The following EML1 variants were observed in gnomAD, a reference collection of about 807,000 sequenced individuals.
The protein encoded by EML1 is EMAP like 1.
EML1 carries 27 observed loss-of-function variants against 110.4 expected under a neutral mutation model. That is an observed-to-expected ratio of 0.24 (90% CI 0.18 to 0.34). The LOEUF is 0.34. Ranked by LOEUF, EML1 falls within the 10% of genes least tolerant of loss-of-function variation. EML1 has a pLI of 1.00. For synonymous variants in EML1, 344 were observed against 385.8 expected, an observed-to-expected ratio of 0.89 and a Z score of 1.27; for missense variants, 741 against 1,030.9, an observed-to-expected ratio of 0.72 and a Z score of 3.85.
chr14:99,904,210 T>A (rs1202719284), intron 9 of EML1, among the ~76,000 whole-genome samples: 1 of 152,252 alleles, frequency 6.6e-6, no homozygotes, highest in Non-Finnish European at 1.5e-5. Flanking sequence ...TTTATTCCAA[T>A]GTTTAATTTA....
chr14:99,790,866 C>CAGGGTCTTT (rs2057660805), upstream of EML1, among the ~76,000 whole-genome samples: 1 of 142,686 alleles, frequency 7.0e-6, no homozygotes, highest in African/African-American at 2.6e-5. Context: ...TTTTCTTTTC[C>CAGGGTCTTT]TTTTTTTTTG....
chr14:99,780,939 C>T (rs1015564420), intron 1 of EML1, among the ~76,000 whole-genome samples: 1 of 152,120 alleles, frequency 6.6e-6, no homozygotes, highest in African/African-American at 2.4e-5. Context: ...GTTCTTAGAA[C>T]GTATCCCATC....
chr14:99,770,398 T>TCTATTTATCTAC (rs1240800835), upstream of EML1, among the ~76,000 whole-genome samples: 2 of 151,904 alleles, frequency 1.3e-5, no homozygotes, highest in African/African-American at 4.8e-5. Context: ...TATCTATCTA[T>TCTATTTATCTAC]CTATCTATCT....
chr14:99,793,420 G>A lies in EML1; in HGVS notation c.-57G>A. The A allele has an allele frequency of 7.8e-6, 8 of 1,023,432 alleles. No individual in the cohort carries two copies. The highest frequency in any genetic ancestry group is 1.7e-5 in the African/African-American group (1 of 57,462). The allele number at this position is 1,023,432 out of a possible 1,614,324, so 63.4% of individuals were successfully genotyped here. On this transcript the variant is annotated 5_prime_UTR_variant, in exon 1 of 22. Transcript: ENST00000262233. ...CGCGGTCGGGCTCAGCTCAGTGTGT[G>A]GTGAGCGGCGGCGGCGCGGCCGGGC...
intron 1 of EML1, among the ~76,000 whole-genome samples, chr14:99,835,200 AC>A (rs928095745): frequency 2.5e-4 from 38 of 152,140 alleles, no homozygotes; most frequent in African/African-American, 8.9e-4. Context: ...GAGCTTTGTT[AC>A]TTTTTTTTCT....
At chr14:99,918,906 T>C (rs1209729021) in intron 16 of EML1, among the ~76,000 whole-genome samples, 1 of 152,214 alleles carries the variant, frequency 6.6e-6, no homozygotes, top group Non-Finnish European at 1.5e-5. Flanking sequence ...CATATTCCAA[T>C]TGAGTTAATA....
intron 1 of EML1, among the ~76,000 whole-genome samples, chr14:99,776,153 A>G (rs1389724032): frequency 2.0e-5 from 3 of 152,232 alleles, no homozygotes; most frequent in Admixed American, 6.5e-5. Flanking sequence ...GAGCCCTTAC[A>G]GATGAAGCTG....
At chr14:99,820,229 G>A (rs1473853817) in intron 1 of EML1, among the ~76,000 whole-genome samples, 2 of 152,200 alleles carry the variant, frequency 1.3e-5, no homozygotes, top group Non-Finnish European at 2.9e-5. Context: ...GGGAGCAGGG[G>A]CTAACACAGT....
intron 4 of EML1, among the ~76,000 whole-genome samples, chr14:99,882,043 G>A (rs2059394229): frequency 6.6e-6 from 1 of 152,096 alleles, no homozygotes; most frequent in Admixed American, 6.5e-5. Flanking sequence ...TTTGTAACAA[G>A]CCACAAAATT....
chr14:99,828,400 G>A (rs1351564864), intron 1 of EML1, among the ~76,000 whole-genome samples: 2 of 152,122 alleles, frequency 1.3e-5, no homozygotes, highest in East Asian at 1.9e-4. Context: ...AGGAGTCTCC[G>A]TTATCAAATG....
chr14:99,876,504 T>C (rs28549972), intron 3 of EML1, among the ~76,000 whole-genome samples: 2,277 of 152,238 alleles, frequency 0.015, 63 homozygotes, highest in African/African-American at 0.051. Context: ...CTGACTCCTG[T>C]GGTAGCTTCT....
At chr14:99,771,246 T>C (rs1341849275), upstream of EML1, among the ~76,000 whole-genome samples, 1 of 152,174 alleles carries the variant, frequency 6.6e-6, no homozygotes, top group Non-Finnish European at 1.5e-5. Context: ...CATCTTCCCT[T>C]CCCCTCAGTC....
At chr14:99,811,986 G>C (rs1030665105) in intron 1 of EML1, among the ~76,000 whole-genome samples, 3 of 151,904 alleles carry the variant, frequency 2.0e-5, no homozygotes, top group Admixed American at 1.3e-4. Flanking sequence ...TGCTGTCTCA[G>C]AGGTGGCACA....
At chr14:99,884,533 A>T (rs754374472) in intron 4 of EML1, among the ~76,000 whole-genome samples, 6 of 152,194 alleles carry the variant, frequency 3.9e-5, no homozygotes, top group African/African-American at 9.7e-5. Context: ...CACAAATGGG[A>T]GAACAAGATA....
At chr14:99,895,746 C>G (rs963107246) in intron 6 of EML1, among the ~76,000 whole-genome samples, 1 of 127,456 alleles carries the variant, frequency 7.8e-6, no homozygotes, top group African/African-American at 3.0e-5. Context: ...TGACATATCA[C>G]GTAGATATCA....
chr14:99,784,205 C>T lies in EML1; in HGVS notation c.-27+10192C>T, dbSNP rs1290894843. 6.6e-6 allele frequency among the ~76,000 whole-genome samples: 1 copy of T among 152,172 alleles called. No homozygotes were observed. Among genetic ancestry groups the T allele is most frequent in the Admixed American group, 6.5e-5 (1 of 15,284 alleles). On this transcript the variant is annotated intron_variant, in intron 1 of 22. Transcript: ENST00000327921. The surrounding 1 kb of genome is among the most constrained non-coding windows in gnomAD (Gnocchi z 4.5). ...ACCCAGGCTCAAGCAATCTTCCCAC[C>T]TTTCAGTCCCCTGAGTAGCTGGGAC...
At chr14:99,851,869 A>G (rs2058813865) in intron 2 of EML1, among the ~76,000 whole-genome samples, 1 of 152,118 alleles carries the variant, frequency 6.6e-6, no homozygotes, top group Non-Finnish European at 1.5e-5. Context: ...TGTTATCATT[A>G]GCTCTTCCCC....
chr14:99,862,698 A>G (rs996902190), intron 2 of EML1, among the ~76,000 whole-genome samples: 4 of 152,066 alleles, frequency 2.6e-5, no homozygotes, highest in Non-Finnish European at 5.9e-5. Flanking sequence ...CCCCACCAAA[A>G]TAGTGTCTTT....
intron 16 of EML1, among the ~76,000 whole-genome samples, chr14:99,920,552 A>T (rs1299508698): frequency 6.6e-6 from 1 of 152,224 alleles, no homozygotes; most frequent in African/African-American, 2.4e-5. Flanking sequence ...AAACCATGTC[A>T]TAGTGTTGAT....
Sources: gnomAD v4.1 joint callset for allele counts (sites outside exome capture counted in the v4.1 genomes callset) on GRCh38, gnomAD v4.1.1 for gene constraint, Gnocchi (gnomAD v3.1) non-coding constraint, MANE v1.5 for transcripts, NCBI Gene and HGNC (gene_info 2026-07-23, HGNC 2026-07-21) for gene names.